The following SGCZ variants were observed in gnomAD, a reference collection of about 807,000 sequenced individuals.
The protein encoded by SGCZ is sarcoglycan zeta, also known as zeta-sarcoglycan.
A neutral mutation model predicts 41.3 loss-of-function variants in SGCZ; 40 were observed. That is an observed-to-expected ratio of 0.97 (90% CI 0.75 to 1.26). The LOEUF (loss-of-function observed/expected upper bound fraction) is 1.26, where lower values mean the gene tolerates loss of function less well. SGCZ is among the 50% of genes most tolerant of loss of function. SGCZ has a pLI of 0.00. For missense variants in SGCZ, 552 were observed against 369.8 expected (o/e 1.49, Z -4.04); for synonymous variants, 206 against 137.5 (o/e 1.50, Z -3.49).
At chr8:15,046,824 T>C (rs1339346142) in intron 1 of SGCZ, among the ~76,000 whole-genome samples, 3 of 152,028 alleles carry the variant, frequency 2.0e-5, no homozygotes, top group Middle Eastern at 3.2e-3. Flanking sequence ...CCAAACATGC[T>C]AGCCTTTCCC....
intron 1 of SGCZ, among the ~76,000 whole-genome samples, chr8:14,956,261 A>T (rs949605525): frequency 1.3e-5 from 2 of 151,706 alleles, no homozygotes; most frequent in African/African-American, 4.8e-5. Context: ...CATGGTCTTG[A>T]TCTCTTGACC....
intron 5 of SGCZ, among the ~76,000 whole-genome samples, chr8:14,126,984 C>T (rs1195465065): frequency 1.3e-5 from 2 of 151,650 alleles, no homozygotes; most frequent in Admixed American, 6.6e-5. Flanking sequence ...TCTGGGGGGT[C>T]AGGGGGAGGG....
At chr8:15,174,548 C>G (rs566826481) in intron 1 of SGCZ, among the ~76,000 whole-genome samples, 2 of 152,268 alleles carry the variant, frequency 1.3e-5, no homozygotes, top group African/African-American at 2.4e-5. Flanking sequence ...AAAACAAAGA[C>G]ACATAAGAAT....
At chr8:14,976,061 C>G (rs369480170) in intron 1 of SGCZ, among the ~76,000 whole-genome samples, 2 of 149,256 alleles carry the variant, frequency 1.3e-5, no homozygotes, top group African/African-American at 4.9e-5. Flanking sequence ...CTCAATCTGT[C>G]GCTCAAGCTG....
intron 5 of SGCZ, among the ~76,000 whole-genome samples, chr8:14,153,349 G>C (rs911713816): frequency 6.6e-6 from 1 of 152,100 alleles, no homozygotes; most frequent in Non-Finnish European, 1.5e-5. Flanking sequence ...ACTTCTTCCA[G>C]GGGAAAGTTT....
At chr8:14,866,461 T>C (rs566948876) in intron 1 of SGCZ, among the ~76,000 whole-genome samples, 9 of 152,226 alleles carry the variant, frequency 5.9e-5, no homozygotes, top group East Asian at 1.9e-4. Context: ...CACACATCTA[T>C]GTTTGTTTAT....
chr8:14,381,429 C>A (rs1190885344), intron 2 of SGCZ, among the ~76,000 whole-genome samples: 3 of 152,070 alleles, frequency 2.0e-5, no homozygotes, highest in Non-Finnish European at 4.4e-5. Context: ...CTTCCTGCCC[C>A]CTCATTCCCA....
At chr8:15,094,450 T>C (rs1806262280) in intron 1 of SGCZ, among the ~76,000 whole-genome samples, 1 of 152,118 alleles carries the variant, frequency 6.6e-6, no homozygotes, top group East Asian at 1.9e-4. Context: ...CCAGTTGCTT[T>C]AGATTGGATA....
intron 2 of SGCZ, among the ~76,000 whole-genome samples, chr8:14,347,620 TTA>T (rs888591124): frequency 7.1e-5 from 10 of 140,196 alleles, no homozygotes; most frequent in Non-Finnish European, 1.0e-4. Context: ...AAAATTATAA[TTA>T]TAAAAAAAAA....
At chr8:15,068,277 A>T (rs985279195) in intron 1 of SGCZ, among the ~76,000 whole-genome samples, 1 of 152,114 alleles carries the variant, frequency 6.6e-6, no homozygotes, top group African/African-American at 2.4e-5. Flanking sequence ...TTCTAAAGAG[A>T]CTTGTTTTTA....
chr8:14,274,333 G>C (rs536794156), intron 3 of SGCZ, among the ~76,000 whole-genome samples: 1 of 152,062 alleles, frequency 6.6e-6, no homozygotes, highest in African/African-American at 2.4e-5. Flanking sequence ...CACTGTTAAG[G>C]TTTATTATTA....
intron 1 of SGCZ, among the ~76,000 whole-genome samples, chr8:14,794,694 C>G (rs1248581043): frequency 6.6e-6 from 1 of 152,082 alleles, no homozygotes; most frequent in East Asian, 1.9e-4. Flanking sequence ...CTGAAAAGTT[C>G]CAACGCAAAG....
At chr8:14,196,526 C>T (rs1440655360) in intron 4 of SGCZ, among the ~76,000 whole-genome samples, 1 of 152,130 alleles carries the variant, frequency 6.6e-6, no homozygotes, top group African/African-American at 2.4e-5. Context: ...ACAGCGATTT[C>T]ACTGCTAGCT....
At chr8:14,600,541 G>A (rs1275176193) in intron 1 of SGCZ, among the ~76,000 whole-genome samples, 3 of 152,102 alleles carry the variant, frequency 2.0e-5, no homozygotes, top group Non-Finnish European at 4.4e-5. Context: ...AGGCAGTTAC[G>A]AAAATATGGA....
intron 1 of SGCZ, among the ~76,000 whole-genome samples, chr8:14,600,122 T>G (rs1414711952): frequency 6.6e-6 from 1 of 152,082 alleles, no homozygotes; most frequent in Non-Finnish European, 1.5e-5. Flanking sequence ...CCCAGCTGAT[T>G]ATAAATTCCT....
chr8:14,518,306 A>G (rs1377449264), intron 2 of SGCZ, among the ~76,000 whole-genome samples: 2 of 152,102 alleles, frequency 1.3e-5, no homozygotes, highest in Non-Finnish European at 2.9e-5. Flanking sequence ...TCTAATATTT[A>G]TATGTCCCTG....
intron 1 of SGCZ, among the ~76,000 whole-genome samples, chr8:15,100,698 G>A (rs1278345683): frequency 6.6e-6 from 1 of 152,202 alleles, no homozygotes; most frequent in Admixed American, 6.5e-5. Flanking sequence ...AAGACTTACT[G>A]TAGGCCAAAT....
intron 1 of SGCZ, among the ~76,000 whole-genome samples, chr8:14,943,647 G>C (rs907087353): frequency 2.0e-5 from 3 of 152,038 alleles, no homozygotes; most frequent in Non-Finnish European, 4.4e-5. Context: ...TGGGGGTTTG[G>C]GGGTTTGGTG....
In SGCZ at chr8:14,087,764, T is replaced by G. The variant is rs573364616; in HGVS notation, c.*2679A>C. 2.6e-4 allele frequency among the ~76,000 whole-genome samples: 39 copies of G among 151,756 alleles called. No individual in the cohort carries two copies. The highest frequency in any genetic ancestry group is 8.4e-4 in the African/African-American group (35 of 41,486). On this transcript the variant is annotated 3_prime_UTR_variant, in exon 8 of 8. Coordinates refer to ENST00000382080, the MANE Select transcript of SGCZ (RefSeq NM_139167.4). ...GTTTGAATGTGGAAAACGAGGACAT[T>G]TGGGGCCATTCTTCTAAGCCTTCAC...
Sources: allele counts gnomAD v4.1 joint callset (sites outside exome capture counted in the v4.1 genomes callset), GRCh38; gene constraint gnomAD v4.1.1; transcripts MANE v1.5; gene names NCBI Gene and HGNC (gene_info 2026-07-23, HGNC 2026-07-21).